The following PRDM6 variants were observed in gnomAD, a reference collection of about 807,000 sequenced individuals.
PRDM6 encodes the protein PR/SET domain 6, also known as putative histone-lysine N-methyltransferase PRDM6.
PRDM6 carries 25 observed loss-of-function variants against 60.8 expected under a neutral mutation model. The ratio of observed to expected loss-of-function variants is 0.41; its 90% CI spans 0.30 to 0.57. The LOEUF is 0.57. PRDM6 is among the 20% of genes least tolerant of loss of function. The pLI is 0.27. For synonymous variants in PRDM6, 407 were observed against 357.4 expected (o/e 1.14, Z -1.57); for missense variants, 839 against 821.3 (o/e 1.02, Z -0.26).
chr5:123,111,966 C>G (rs1332311982), intron 3 of PRDM6, among the ~76,000 whole-genome samples: 1 of 152,160 alleles, frequency 6.6e-6, no homozygotes, highest in Non-Finnish European at 1.5e-5. Context: ...CTCCCACCTC[C>G]CCAGATATAG....
chr5:123,185,850 C>G (rs1230197897), intron 7 of PRDM6, among the ~76,000 whole-genome samples: 2 of 152,076 alleles, frequency 1.3e-5, no homozygotes, highest in Non-Finnish European at 2.9e-5. Context: ...AGTGGAATGC[C>G]TAACAGATAA....
At chr5:123,114,339 A>G (rs1764383245) in intron 3 of PRDM6, among the ~76,000 whole-genome samples, 1 of 152,132 alleles carries the variant, frequency 6.6e-6, no homozygotes, top group Admixed American at 6.5e-5. Flanking sequence ...TGCCTGTGCT[A>G]TTTATTTACC....
chr5:123,102,213 C>T (rs560119482), intron 3 of PRDM6, among the ~76,000 whole-genome samples: 128 of 152,130 alleles, frequency 8.4e-4, no homozygotes, highest in African/African-American at 3.1e-3. Flanking sequence ...CTAACTGGGG[C>T]CAGGTAACTT....
At chr5:123,175,872 T>A (rs1765996295) in intron 6 of PRDM6, among the ~76,000 whole-genome samples, 1 of 152,202 alleles carries the variant, frequency 6.6e-6, no homozygotes, top group African/African-American at 2.4e-5. Context: ...ATTGCACATT[T>A]TACTGGAGTT....
chr5:123,108,693 A>G (rs1169737952), intron 3 of PRDM6, among the ~76,000 whole-genome samples: 11 of 152,166 alleles, frequency 7.2e-5, no homozygotes, highest in Admixed American at 7.2e-4. Context: ...AGCGGAAATT[A>G]ATTTTTATAT....
At chr5:123,141,034 A>G (rs1765087012) in intron 3 of PRDM6, among the ~76,000 whole-genome samples, 1 of 152,056 alleles carries the variant, frequency 6.6e-6, no homozygotes, top group Non-Finnish European at 1.5e-5. Context: ...GATTATAGAA[A>G]TTAAATAGAG....
intron 3 of PRDM6, among the ~76,000 whole-genome samples, chr5:123,130,085 TATTCC>T (rs1212327377): frequency 1.1e-3 from 69 of 63,308 alleles, no homozygotes; most frequent in Admixed American, 1.3e-3. Flanking sequence ...CTTTCCTTTC[TATTCC>T]CTCCCCTCCC....
At chr5:123,142,687 G>A (rs1295749881) in intron 3 of PRDM6, among the ~76,000 whole-genome samples, 24 of 151,818 alleles carry the variant, frequency 1.6e-4, no homozygotes, top group Admixed American at 1.6e-3. Flanking sequence ...ATATTGAGCA[G>A]CCCAGTGTAA....
In PRDM6 at chr5:123,187,218, A is replaced by G. The variant is rs1580548523; in HGVS notation, c.*17A>G. 1 of 1,516,280 alleles carries G rather than the reference A, an allele frequency of 6.6e-7. No individual in the cohort carries two copies. The highest frequency in any genetic ancestry group is 9.0e-7 in the Non-Finnish European group (1 of 1,115,100). The allele number at this position is 1,516,280 out of a possible 1,614,324, so 93.9% of individuals were successfully genotyped here. On this transcript the variant is annotated 3_prime_UTR_variant, in exon 8 of 8. Transcript: ENST00000407847. ...GTGGATTAACGGATTGACTGGTTGG[A>G]ATTAAACTGCAAGGAAAGTCATGAT...
At chr5:123,102,630 A>G (rs979421239) in intron 3 of PRDM6, among the ~76,000 whole-genome samples, 6 of 152,172 alleles carry the variant, frequency 3.9e-5, no homozygotes, top group East Asian at 1.9e-4. Context: ...TGTATTAAAA[A>G]AATTAAAAGC....
chr5:123,115,518 ATGTTT>A (rs367605081), intron 3 of PRDM6, among the ~76,000 whole-genome samples: 1 of 152,216 alleles, frequency 6.6e-6, no homozygotes, highest in African/African-American at 2.4e-5. Flanking sequence ...CACTTTAATT[ATGTTT>A]TATCATTACA....
intron 5 of PRDM6, among the ~76,000 whole-genome samples, chr5:123,163,123 A>G (rs1256451133): frequency 6.6e-6 from 1 of 152,192 alleles, no homozygotes; most frequent in African/African-American, 2.4e-5. Flanking sequence ...GAGCCTCTTT[A>G]TAGGGCTCTG....
chr5:123,113,530 T>G (rs557650722), intron 3 of PRDM6, among the ~76,000 whole-genome samples: 1 of 152,350 alleles, frequency 6.6e-6, no homozygotes, highest in Non-Finnish European at 1.5e-5. Flanking sequence ...TGAGAGCCTT[T>G]TTTAGATGAA....
chr5:123,157,167 T>TA (rs937738805), intron 4 of PRDM6, among the ~76,000 whole-genome samples: 12 of 151,814 alleles, frequency 7.9e-5, no homozygotes, highest in African/African-American at 2.4e-4. Context: ...GGTCTTCAAT[T>TA]AAAAAAAATG....
At chr5:123,130,290 TCCC>T in intron 3 of PRDM6, among the ~76,000 whole-genome samples, 1 of 53,234 alleles carries the variant, frequency 1.9e-5, no homozygotes, top group African/African-American at 7.3e-5. Flanking sequence ...CCCCTTCCCT[TCCC>T]TCCCCTCCCG....
intron 3 of PRDM6, among the ~76,000 whole-genome samples, chr5:123,111,045 A>C (rs1764301751): frequency 6.6e-6 from 1 of 152,116 alleles, no homozygotes. Flanking sequence ...TATTCAACAA[A>C]TTAACAGTAA....
chr5:123,155,620 T>G (rs541548771), intron 3 of PRDM6, among the ~76,000 whole-genome samples: 1 of 152,268 alleles, frequency 6.6e-6, no homozygotes, highest in South Asian at 2.1e-4. Context: ...AAATATTCTT[T>G]GGGAAATATG....
intron 3 of PRDM6, among the ~76,000 whole-genome samples, chr5:123,141,282 A>G (rs1765093356): frequency 6.6e-6 from 1 of 152,050 alleles, no homozygotes; most frequent in Non-Finnish European, 1.5e-5. Context: ...ATTTTGAAGA[A>G]AATTTTCAAG....
At chr5:123,119,161 C>T (rs755423371) in intron 3 of PRDM6, among the ~76,000 whole-genome samples, 1 of 151,472 alleles carries the variant, frequency 6.6e-6, no homozygotes, top group Non-Finnish European at 1.5e-5. Flanking sequence ...GTTACTATCT[C>T]CTACCCACAA....
Sources: gnomAD v4.1 joint callset for allele counts (sites outside exome capture counted in the v4.1 genomes callset) on GRCh38, gnomAD v4.1.1 for gene constraint, MANE v1.5 for transcripts, NCBI Gene and HGNC (gene_info 2026-07-23, HGNC 2026-07-21) for gene names.